MAMDC2: variants seen among roughly 807,000 people sequenced by gnomAD.
MAMDC2 encodes MAM domain-containing protein 2.
In MAMDC2, 57 loss-of-function variants were observed where a neutral mutation model predicts 89.8. The observed-to-expected ratio is 0.63, with a 90% confidence interval of 0.51 to 0.79. The LOEUF is 0.79. Among genes scored for constraint, MAMDC2 ranks in the 30% least tolerant of loss-of-function variants. The pLI, the probability that MAMDC2 is intolerant of heterozygous loss-of-function variation, is 0.00. For missense variants in MAMDC2, 800 were observed against 820.6 expected, an observed-to-expected ratio of 0.97 and a Z score of 0.31; for synonymous variants, 313 against 293.4, an observed-to-expected ratio of 1.07 and a Z score of -0.68.
intron 12 of MAMDC2, among the ~76,000 whole-genome samples, chr9:70,223,458 G>T (rs2033600757): frequency 1.3e-5 from 2 of 152,128 alleles, no homozygotes; most frequent in Non-Finnish European, 2.9e-5. Context: ...GTTCCACATT[G>T]ATTTCTACAC....
At chr9:70,194,340 A>G (rs2032938205) in intron 11 of MAMDC2, 2 of 152,122 alleles carry the variant, frequency 1.3e-5, no homozygotes, top group African/African-American at 4.8e-5. Flanking sequence ...ATTAAGAGAC[A>G]AGACCCTTAA....
At chr9:70,103,152 A>G (rs937787629) in intron 2 of MAMDC2, among the ~76,000 whole-genome samples, 1 of 152,236 alleles carries the variant, frequency 6.6e-6, no homozygotes, top group East Asian at 1.9e-4. Flanking sequence ...CCAAAGGCTT[A>G]TAACATTCAG....
At chr9:70,163,247 T>C (rs1288178194) in intron 9 of MAMDC2, among the ~76,000 whole-genome samples, 23 of 148,346 alleles carry the variant, frequency 1.6e-4, no homozygotes, top group African/African-American at 5.7e-4. Context: ...TTTTTTTTTT[T>C]AGACAGAGTC....
At chr9:70,151,645 C>T (rs2031583576) in intron 9 of MAMDC2, among the ~76,000 whole-genome samples, 1 of 152,184 alleles carries the variant, frequency 6.6e-6, no homozygotes, top group Admixed American at 6.5e-5. Context: ...GGTCTCTCTC[C>T]AATCTTAGGG....
chr9:70,072,245 G>C (rs1340159176), intron 2 of MAMDC2, among the ~76,000 whole-genome samples: 2 of 152,100 alleles, frequency 1.3e-5, no homozygotes, highest in African/African-American at 4.8e-5. Context: ...GACCATCAGT[G>C]TCACCTCAGC....
chr9:70,209,190 G>A (rs538391858), intron 11 of MAMDC2, among the ~76,000 whole-genome samples: 37 of 152,320 alleles, frequency 2.4e-4, no homozygotes, highest in African/African-American at 7.7e-4. Flanking sequence ...GATTCGAATA[G>A]TTTCAGAAGG....
intron 2 of MAMDC2, among the ~76,000 whole-genome samples, chr9:70,059,498 T>C (rs1827099191): frequency 6.6e-6 from 1 of 152,118 alleles, no homozygotes; most frequent in South Asian, 2.1e-4. Context: ...CTCCCCTCTT[T>C]CCTCCTCCCG....
chr9:70,150,203 G>A (rs1298969094), intron 9 of MAMDC2, among the ~76,000 whole-genome samples: 1 of 152,220 alleles, frequency 6.6e-6, no homozygotes, highest in Non-Finnish European at 1.5e-5. Flanking sequence ...TCTGTCCACA[G>A]AGAGTACATG....
chr9:70,058,110 A>G (rs1387664654), intron 2 of MAMDC2, among the ~76,000 whole-genome samples: 2 of 152,252 alleles, frequency 1.3e-5, no homozygotes, highest in African/African-American at 4.8e-5. Flanking sequence ...TGAAGATTCA[A>G]TAGGAATATG....
intron 11 of MAMDC2, among the ~76,000 whole-genome samples, chr9:70,182,565 C>A (rs2032666972): frequency 6.6e-6 from 1 of 152,142 alleles, no homozygotes; most frequent in African/African-American, 2.4e-5. Context: ...GATTCTACTT[C>A]TTCCTGATTT....
chr9:70,205,389 A>G (rs2033204063), intron 11 of MAMDC2, among the ~76,000 whole-genome samples: 1 of 152,292 alleles, frequency 6.6e-6, no homozygotes, highest in African/African-American at 2.4e-5. Flanking sequence ...TTAGAGCGAC[A>G]CCTTCTACAA....
At position 70,168,723 on chromosome 9, in the gene MAMDC2, A is replaced by G; in HGVS notation, c.1426A>G (p.Lys476Glu). The G allele has an allele frequency of 6.2e-7, 1 of 1,614,020 alleles. No homozygotes were observed. The highest frequency in any genetic ancestry group is 8.5e-7 in the Non-Finnish European group (1 of 1,179,934). ...TCAGGTGGTTTTCATGAGCCTATGC[A>G]AAAGTTTCTGGGACTGTGGGCTTGT... ...PTKVVFMSLC[K>E]SFWDCGLVAL... The change falls in exon 10 of 14, where the codon AAA becomes GAA. Residue 476 changes from lysine to glutamate, a missense_variant. Lys to Glu is a moderately conservative substitution (Grantham distance 56). Coordinates refer to ENST00000377182, the MANE Select transcript of MAMDC2 (RefSeq NM_153267.5).
intron 9 of MAMDC2, among the ~76,000 whole-genome samples, chr9:70,161,756 C>A (rs568838078): frequency 3.9e-5 from 6 of 152,310 alleles, no homozygotes; most frequent in Non-Finnish European, 8.8e-5. Flanking sequence ...TATAGTATAT[C>A]TTACAGATGT....
chr9:70,137,117 CT>C (rs147111042), intron 7 of MAMDC2, among the ~76,000 whole-genome samples: 1 of 151,472 alleles, frequency 6.6e-6, no homozygotes. Flanking sequence ...TTTACCTAAT[CT>C]TTTTTTTTGT....
At chr9:70,087,910 C>T (rs1379182251) in intron 2 of MAMDC2, among the ~76,000 whole-genome samples, 1 of 152,082 alleles carries the variant, frequency 6.6e-6, no homozygotes. Context: ...CTATTACGAA[C>T]TTTTAAATTT....
chr9:70,065,929 T>C (rs921654156), intron 2 of MAMDC2, among the ~76,000 whole-genome samples: 3 of 152,190 alleles, frequency 2.0e-5, no homozygotes, highest in African/African-American at 7.2e-5. Context: ...ATTTAGTCAT[T>C]TTTCCTTTCA....
At chr9:70,094,197 G>T (rs1405291075) in intron 2 of MAMDC2, among the ~76,000 whole-genome samples, 1 of 152,172 alleles carries the variant, frequency 6.6e-6, no homozygotes, top group Non-Finnish European at 1.5e-5. Context: ...ATGATATGAG[G>T]ATAATTTCCC....
chr9:70,047,061 C>T (rs1438413089), intron 2 of MAMDC2, among the ~76,000 whole-genome samples: 1 of 152,226 alleles, frequency 6.6e-6, no homozygotes, highest in Admixed American at 6.5e-5. Flanking sequence ...AAGCTGTTCA[C>T]AAGCTTCTCT....
intron 11 of MAMDC2, among the ~76,000 whole-genome samples, chr9:70,215,570 T>C (rs1380932890): frequency 6.6e-6 from 1 of 152,230 alleles, no homozygotes; most frequent in African/African-American, 2.4e-5. Context: ...CACTGAAATA[T>C]ATGTAGTCTT....
Sources: allele counts gnomAD v4.1 joint callset (sites outside exome capture counted in the v4.1 genomes callset), GRCh38; gene constraint gnomAD v4.1.1; transcripts MANE v1.5; gene names NCBI Gene and HGNC (gene_info 2026-07-23, HGNC 2026-07-21).